Variants in DCTN1 observed in about 807,000 individuals in gnomAD.
DCTN1 encodes the protein dynactin subunit 1.
DCTN1 carries 61 observed loss-of-function variants against 161.2 expected under a neutral mutation model. The observed-to-expected ratio is 0.38, with a 90% CI of 0.31 to 0.47. The LOEUF (loss-of-function observed/expected upper bound fraction) is 0.47, where lower values mean the gene tolerates loss of function less well. Ranked by LOEUF, DCTN1 falls within the 20% of genes least tolerant of loss-of-function variation. The pLI, the probability that DCTN1 is intolerant of heterozygous loss-of-function variation, is 0.99. For missense variants in DCTN1, 1,404 were observed against 1,623.7 expected, an observed-to-expected ratio of 0.86 and a Z score of 2.33; for synonymous variants, 653 against 632.4, an observed-to-expected ratio of 1.03 and a Z score of -0.49.
intron 1 of DCTN1, chr2:74,390,509 G>A (rs557641778): frequency 5.8e-6 from 2 of 343,252 alleles, no homozygotes; most frequent in South Asian, 4.5e-5. Context: ...CAACACTACA[G>A]GGATAACTCG....
chr2:74,362,580 G>A (rs1013937161), intron 30 of DCTN1, 70 bp downstream of exon 30: 3 of 1,514,146 alleles, frequency 2.0e-6, no homozygotes, highest in African/African-American at 2.8e-5. Context: ...GGGCTCAGAG[G>A]AACTCCACAA....
chr2:74,374,316 A>G lies in DCTN1; in HGVS notation c.432+7T>C. ...CCCAGCAGCAGGACGAGAGCAAGCAAGAGTACCTTTCGGGCTGTCGGTGCC... is the reference window on the plus strand; with the variant it reads ...CCCAGCAGCAGGACGAGAGCAAGCAGGAGTACCTTTCGGGCTGTCGGTGCC... On this transcript the variant is annotated splice_region_variant and intron_variant, in intron 6 of 31. Transcript: ENST00000628224. 3 of 1,612,394 alleles carry G rather than the reference A, an allele frequency of 1.9e-6. No individual in the cohort carries two copies. Among genetic ancestry groups the G allele is most frequent in the Non-Finnish European group, 2.5e-6 (3 of 1,178,996 alleles).
chr2:74,384,376 G>A (rs114865874), upstream of DCTN1, among the ~76,000 whole-genome samples: 357 of 152,284 alleles, frequency 2.3e-3, 4 homozygotes, highest in African/African-American at 8.2e-3. Flanking sequence ...GCATTACCGG[G>A]CCCAGGCCCA....
chr2:74,383,224 T>C (rs193283535), upstream of DCTN1, among the ~76,000 whole-genome samples: 1 of 152,260 alleles, frequency 6.6e-6, no homozygotes, highest in Non-Finnish European at 1.5e-5. Context: ...CTAGCTTAGC[T>C]GAAGTAACGA....
chr2:74,391,747 G>A (rs1392972955), intron 1 of DCTN1: 1 of 452,120 alleles, frequency 2.2e-6, no homozygotes, highest in South Asian at 1.6e-5. Flanking sequence ...TCACGAACAC[G>A]TAGGGGGCCG....
intron 5 of DCTN1, among the ~76,000 whole-genome samples, chr2:74,375,229 T>C (rs1039780174): frequency 6.6e-6 from 1 of 152,198 alleles, no homozygotes; most frequent in African/African-American, 2.4e-5. Flanking sequence ...CCCCTGGTTG[T>C]AGACAGGTTA....
chr2:74,384,838 C>G, upstream of DCTN1: 1 of 152,258 alleles, frequency 6.6e-6, no homozygotes, highest in East Asian at 1.9e-4. Context: ...CCCAGGCAGT[C>G]TGACAGCAAG....
rs1399430696 is a variant in DCTN1, at chr2:74,361,607, G to C, written c.3729C>G (p.Val1243=). ...ATGAGAAGGTCACTTTGCCCATGTA[G>C]ACTGTGTCATCCTGCTGCTCCTCCT... ...RAKEEQQDDT[V]YMGKVTFSCA... is the part of the protein sequence containing the mutation. Residue 1243 remains valine, a synonymous_variant, in exon 32 of 32, where the codon GTC becomes GTG. Transcript: ENST00000628224. 2.5e-6 allele frequency: 4 copies of C among 1,614,040 alleles called. No individual in the cohort carries two copies. Among genetic ancestry groups the C allele is most frequent in the East Asian group, 4.5e-5 (2 of 44,892 alleles).
rs1553464927 is a variant in DCTN1 at position 74,369,193 on chromosome 2, T to G, written c.1606A>C (p.Asn536His). The change falls in exon 15 of 32, where the codon AAC becomes CAC. Residue 536 changes from asparagine to histidine, a missense_variant. Coordinates refer to ENST00000628224, the MANE Select transcript of DCTN1 (RefSeq NM_004082.5). The surrounding 1 kb of genome is among the most constrained non-coding windows in gnomAD (Gnocchi z 4.9). ...HLQDVNRELT[N>H]QQEASVERQQ... ...CTCTCCACAGATGCTTCCTGCTGGT[T>G]TGTCAGTTCCCGATTCACATCCTAG... is the stretch of plus-strand genomic sequence containing the variant. 1 of 1,614,198 alleles carries G rather than the reference T, an allele frequency of 6.2e-7. No homozygotes were observed. The highest frequency in any genetic ancestry group is 8.5e-7 in the Non-Finnish European group (1 of 1,180,034).
intron 6 of DCTN1, chr2:74,374,109 A>G (rs1675067177): frequency 3.2e-6 from 2 of 623,618 alleles, no homozygotes; most frequent in Admixed American, 4.3e-5. Context: ...GGCCTGGAAC[A>G]CAGGCAGAGC....
At chr2:74,377,783 C>G in intron 2 of DCTN1, 57 bp from the exon 3 acceptor site, 1 of 1,547,648 alleles carries the variant, frequency 6.5e-7, no homozygotes, top group Non-Finnish European at 8.9e-7. Context: ...AGATCAAGGA[C>G]GGCTGTAATA....
At chr2:74,366,650 C>T (rs1293128157) in intron 21 of DCTN1, 30 bp from the exon 22 acceptor site, 1 of 1,612,992 alleles carries the variant, frequency 6.2e-7, no homozygotes, top group East Asian at 2.2e-5. Flanking sequence ...CAGGAGTCAA[C>T]CCTGGGTTCA....
upstream of DCTN1, among the ~76,000 whole-genome samples, chr2:74,380,845 T>A (rs1357994952): frequency 6.6e-6 from 1 of 152,212 alleles, no homozygotes; most frequent in African/African-American, 2.4e-5. Flanking sequence ...GTTGCCATAG[T>A]CACCCTTCAC....
At chr2:74,361,743 AG>A (rs2104387676) in intron 31 of DCTN1, 107 bp from the exon 32 acceptor site, 1 of 1,389,956 alleles carries the variant, frequency 7.2e-7, no homozygotes, top group African/African-American at 1.4e-5. Flanking sequence ...CTGGGTGACT[AG>A]GGCTTCTGAG....
At position 74,362,087 on chromosome 2, in the gene DCTN1, C is replaced by T. The variant is rs763065647; in HGVS notation, c.3664G>A (p.Asp1222Asn). The change falls in exon 31 of 32, where the codon GAC becomes AAC. Residue 1222 changes from aspartate (D) to asparagine (N), a missense_variant. By Grantham distance (23) the Asp-to-Asn change is conservative (BLOSUM62 1). Transcript: ENST00000628224. ...GCTGATGAAGGGAAGGTGGCAAAGTCAGTGGGTACTGTGGCTCCAGGGCGC... is the reference window on the plus strand; with the variant it reads ...GCTGATGAAGGGAAGGTGGCAAAGTTAGTGGGTACTGTGGCTCCAGGGCGC... ...SQRPGATVPT[D>N]FATFPSSAFL... 1.9e-6 allele frequency: 3 copies of T among 1,613,784 alleles called. No homozygotes were observed. In the African/African-American group the frequency reaches 4.0e-5, roughly 22 times the overall value.
At chr2:74,362,225 T>C in intron 30 of DCTN1, 84 bp from the exon 31 acceptor site, 1 of 1,239,820 alleles carries the variant, frequency 8.1e-7, no homozygotes. Flanking sequence ...ACAGAGACAC[T>C]AATACCAGGG....
upstream of DCTN1, among the ~76,000 whole-genome samples, chr2:74,382,578 G>T (rs2103748439): frequency 6.9e-6 from 1 of 145,808 alleles, no homozygotes; most frequent in South Asian, 2.2e-4. Context: ...TCCAGCCAGG[G>T]CGACAGACTG....
chr2:74,371,564 T>C lies in DCTN1; in HGVS notation c.618A>G (p.Ala206=), dbSNP rs777229117. 3 of 1,582,816 alleles carry C rather than the reference T, an allele frequency of 1.9e-6. No individual in the cohort carries two copies. The South Asian group carries it at 3.5e-5, about 18-fold the overall frequency. ...TGGATGGGGAAGGAAGCGGGGGGAC[T>C]GCTCCAGGAGAGGTGAGGACCGGCG... ...IPTPVLTSPG[A]VPPLPSPSKE... Residue 206 remains alanine (A), a synonymous_variant, in exon 8 of 32, where the codon GCA becomes GCG. Coordinates refer to ENST00000628224, the MANE Select transcript of DCTN1 (RefSeq NM_004082.5).
intron 19 of DCTN1, 103 bp from the exon 20 acceptor site, chr2:74,367,210 G>C: frequency 6.5e-7 from 1 of 1,537,818 alleles, no homozygotes; most frequent in Admixed American, 1.8e-5. Context: ...CCATACATAA[G>C]TAGGTCCTCT....
Sources: allele counts gnomAD v4.1 joint callset (sites outside exome capture counted in the v4.1 genomes callset), GRCh38; gene constraint gnomAD v4.1.1; non-coding constraint Gnocchi (gnomAD v3.1); transcripts MANE v1.5; gene names NCBI Gene and HGNC (gene_info 2026-07-23, HGNC 2026-07-21).